The following ACO1 variants were observed in gnomAD, a reference collection of about 807,000 sequenced individuals.
The protein encoded by ACO1 is cytoplasmic aconitate hydratase.
A neutral mutation model predicts 105.1 loss-of-function variants in ACO1; 78 were observed. The ratio of observed to expected loss-of-function variants is 0.74; its 90% CI spans 0.62 to 0.90. The LOEUF (loss-of-function observed/expected upper bound fraction) is 0.90, where lower values mean the gene tolerates loss of function less well. Among genes scored for constraint, ACO1 ranks in the 40% least tolerant of loss-of-function variants. The pLI, the probability that ACO1 is intolerant of heterozygous loss-of-function variation, is 0.00. For missense variants in ACO1, 965 were observed against 1,111.1 expected, an observed-to-expected ratio of 0.87 and a Z score of 1.87; for synonymous variants, 364 against 397.4, an observed-to-expected ratio of 0.92 and a Z score of 1.00.
In ACO1 at chr9:32,453,180, C is replaced by G. The variant is rs963039106; in HGVS notation, c.*3069C>G. The G allele has an allele frequency of 6.6e-6, 1 of 152,034 alleles. No homozygotes were observed. Among genetic ancestry groups the G allele is most frequent in the African/African-American group, 2.4e-5 (1 of 41,362 alleles). 9.4% of individuals were successfully genotyped at this position (152,034 alleles called of 1,614,324 possible). ...TCCAAATTCATTACTGCATTCCTGG[C>G]ATCCGCAGCAAGCTAAGAGTTAGTT... On this transcript the variant is annotated 3_prime_UTR_variant, in exon 21 of 21. Coordinates refer to ENST00000309951, the MANE Select transcript of ACO1 (RefSeq NM_002197.3).
At chr9:32,444,158 T>G (rs1822546632) in intron 19 of ACO1, among the ~76,000 whole-genome samples, 1 of 152,214 alleles carries the variant, frequency 6.6e-6, no homozygotes, top group South Asian at 2.1e-4. Context: ...ACTCATCCTT[T>G]TTTATGGCTG....
In ACO1 at chr9:32,446,299, G is replaced by C. The variant is rs561018216; in HGVS notation, c.2371-2597G>C. Among the ~76,000 whole-genome samples, 3 of 152,294 alleles carry C rather than the reference G, an allele frequency of 2.0e-5. No homozygotes were observed. The South Asian group carries it at 6.2e-4, about 32-fold the overall frequency. On this transcript the variant is annotated intron_variant, in intron 19 of 20. Transcript: ENST00000309951. ...ATGTATTGGGTGCATATATATTTAGGATAGTTAGCTCTTCTTGTTGCATTG... is the reference window on the plus strand; with the variant it reads ...ATGTATTGGGTGCATATATATTTAGCATAGTTAGCTCTTCTTGTTGCATTG...
chr9:32,418,759 G>A (rs181041639), intron 6 of ACO1, among the ~76,000 whole-genome samples: 4 of 152,188 alleles, frequency 2.6e-5, no homozygotes, highest in African/African-American at 9.6e-5. Flanking sequence ...AATCACCTGG[G>A]GTGTTAAAAA....
intron 1 of ACO1, among the ~76,000 whole-genome samples, chr9:32,389,461 T>G (rs1031616924): frequency 1.3e-5 from 2 of 152,166 alleles, no homozygotes; most frequent in Non-Finnish European, 2.9e-5. Flanking sequence ...CCAGCTTACC[T>G]GGTGGCAGAC....
intron 15 of ACO1, among the ~76,000 whole-genome samples, chr9:32,433,344 C>A (rs1822281960): frequency 6.6e-6 from 1 of 152,172 alleles, no homozygotes; most frequent in African/African-American, 2.4e-5. Context: ...AGCAATCCTC[C>A]CATCTCAGCC....
At chr9:32,423,102 A>G (rs1445099755) in intron 8 of ACO1, among the ~76,000 whole-genome samples, 1 of 152,190 alleles carries the variant, frequency 6.6e-6, no homozygotes, top group East Asian at 1.9e-4. Flanking sequence ...CTTTGATAGG[A>G]ACAGCACATT....
chr9:32,407,387 A>G lies in ACO1; in HGVS notation c.224A>G (p.Glu75Gly). 6.2e-7 allele frequency: 1 copy of G among 1,614,154 alleles called. No individual in the cohort carries two copies. Among genetic ancestry groups the G allele is most frequent in the South Asian group, 1.1e-5 (1 of 91,076 alleles). Residue 75 changes from glutamate (E) to glycine (G), a missense_variant, in exon 3 of 21, where the codon GAA becomes GGA. Glu to Gly is a moderately conservative substitution (Grantham distance 98, BLOSUM62 -2). Coordinates refer to ENST00000309951, the MANE Select transcript of ACO1 (RefSeq NM_002197.3). ...AATGTCACGCAGCACAAGAACATAGAAGTGCCATTTAAGCCTGCTCGTGTC... is the reference window on the plus strand; with the variant it reads ...AATGTCACGCAGCACAAGAACATAGGAGTGCCATTTAAGCCTGCTCGTGTC... ...HWNVTQHKNIEVPFKPARVIL... is the reference protein window; with the variant it reads ...HWNVTQHKNIGVPFKPARVIL...
Position 32,405,594 on chromosome 9 carries a change from T to G in ACO1, c.88T>G (p.Ser30Ala), listed in dbSNP as rs755480336. The G allele has an allele frequency of 1.9e-6, 3 of 1,608,766 alleles. No homozygotes were observed. In the South Asian group the frequency reaches 3.3e-5, roughly 18 times the overall value. ...CTTCAATTTGAATAAATTGGAGGAT[T>G]CAAGATATGGTAGGTACATGGCTGT... Reference protein sequence around the residue: ...KFFNLNKLEDSRYGRLPFSIR... With the variant: ...KFFNLNKLEDARYGRLPFSIR... Residue 30 changes from serine to alanine, a missense_variant, in exon 2 of 21, where the codon TCA (serine) becomes GCA (alanine). Physicochemically the swap from Ser to Ala is moderately conservative, Grantham distance 99. Transcript: ENST00000309951.
At chr9:32,427,504 C>T in intron 12 of ACO1, 68 bp downstream of exon 12, 1 of 1,582,096 alleles carries the variant, frequency 6.3e-7, no homozygotes, top group South Asian at 1.1e-5. Flanking sequence ...CTTGCTGTGT[C>T]ACCTTGTAAC....
At chr9:32,448,277 C>A (rs1286071961) in intron 19 of ACO1, among the ~76,000 whole-genome samples, 1 of 152,194 alleles carries the variant, frequency 6.6e-6, no homozygotes, top group Non-Finnish European at 1.5e-5. Flanking sequence ...GTAGGCCTTG[C>A]TGAGCTGCGG....
In ACO1 at chr9:32,427,823, A is replaced by G. The variant is rs533691879; in HGVS notation, c.1484+387A>G. ...AACCGTAGCTTACTTTTATTTTACA[A>G]ACTTTTAAGTTTATTGAAACTCTTG... On this transcript the variant is annotated intron_variant, in intron 12 of 20. Transcript: ENST00000309951. 3.9e-5 allele frequency among the ~76,000 whole-genome samples: 6 copies of G among 152,352 alleles called. No homozygotes were observed. In the East Asian group the frequency reaches 1.2e-3, roughly 29 times the overall value.
rs1239729394 is a variant in ACO1 at position 32,429,601 on chromosome 9, G to C, written c.1569+98G>C. ...TTTTCAAGAAGGTCCATGGAAGCAG[G>C]GGATGTGGTTTAGAGTATGATCTTT... is the stretch of plus-strand genomic sequence containing the variant. On this transcript the variant is annotated intron_variant, in intron 13 of 20. Transcript: ENST00000309951. 8.4e-6 allele frequency: 9 copies of C among 1,065,882 alleles called. No individual in the cohort carries two copies. In the African/African-American group the frequency reaches 1.3e-4, roughly 15 times the overall value. The allele number at this position is 1,065,882 out of a possible 1,614,324, so 66.0% of individuals were successfully genotyped here.
chr9:32,418,087 T>G (rs1028885005), intron 4 of ACO1, 41 bp from the exon 5 acceptor site: 2 of 1,585,272 alleles, frequency 1.3e-6, no homozygotes, highest in Non-Finnish European at 1.7e-6. Flanking sequence ...ACTAATATGT[T>G]AAGTCTCAAA....
Position 32,449,092 on chromosome 9 carries a change from G to C in ACO1, c.2556+11G>C, listed in dbSNP as rs1222151945. ...AAAGTCCAGGTCAAGGTAAGCTGGA[G>C]CCTCTCTATGCCAGGCCCTGTCGAA... On this transcript the variant is annotated intron_variant, in intron 20 of 20. Coordinates refer to ENST00000309951, the MANE Select transcript of ACO1 (RefSeq NM_002197.3). 2 of 1,585,122 alleles carry C rather than the reference G, an allele frequency of 1.3e-6. No individual in the cohort carries two copies. The highest frequency in any genetic ancestry group is 1.7e-6 in the Non-Finnish European group (2 of 1,164,998).
At chr9:32,415,956 G>GGCCCATGGGCTGGGTTGTAGACCCCA (rs1821838056) in intron 4 of ACO1, among the ~76,000 whole-genome samples, 2 of 152,054 alleles carry the variant, frequency 1.3e-5, no homozygotes, top group Non-Finnish European at 2.9e-5. Flanking sequence ...GGTCACATTT[G>GGCCCATGGGCTGGGTTGTAGACCCCA]GCCCATGGGC....
chr9:32,417,031 A>G lies in ACO1; in HGVS notation c.405-1097A>G, dbSNP rs72561734. ...ACTGCCACAGTCGCTGTTAACTATG[A>G]CGGGAAGTCCATGTGGTATAGGGAT... On this transcript the variant is annotated intron_variant, in intron 4 of 20. Transcript: ENST00000309951. Among the ~76,000 whole-genome samples, 5 of 152,304 alleles carry G rather than the reference A, an allele frequency of 3.3e-5. No individual in the cohort carries two copies. The East Asian group carries it at 9.6e-4, about 29-fold the overall frequency.
Position 32,449,087 on chromosome 9 carries a change from C to A in ACO1, c.2556+6C>A. ...AAATGAAAGTCCAGGTCAAGGTAAG[C>A]TGGAGCCTCTCTATGCCAGGCCCTG... is the stretch of plus-strand genomic sequence containing the variant. On this transcript the variant is annotated splice_donor_region_variant and intron_variant, in intron 20 of 20. Transcript: ENST00000309951. The A allele has an allele frequency of 6.3e-7, 1 of 1,595,590 alleles. No homozygotes were observed.
intron 4 of ACO1, among the ~76,000 whole-genome samples, chr9:32,409,869 G>C (rs1358754628): frequency 6.6e-6 from 1 of 152,054 alleles, no homozygotes; most frequent in African/African-American, 2.4e-5. Context: ...TTACAAAGAA[G>C]AGAACTGAAC....
chr9:32,426,052 C>T lies in ACO1; in HGVS notation c.1348+55C>T, dbSNP rs376056668. ...CATACATGTGTGTAGGTGGAAATAG[C>T]CCGAGACAGGGCCCAGGGCCTTGGC... On this transcript the variant is annotated intron_variant, in intron 11 of 20. Coordinates refer to ENST00000309951, the MANE Select transcript of ACO1 (RefSeq NM_002197.3). 29 of 1,572,758 alleles carry T rather than the reference C, an allele frequency of 1.8e-5. No homozygotes were observed. The African/African-American group carries it at 3.5e-4, about 19-fold the overall frequency.
Sources: gnomAD v4.1 joint callset for allele counts (sites outside exome capture counted in the v4.1 genomes callset) on GRCh38, gnomAD v4.1.1 for gene constraint, MANE v1.5 for transcripts, NCBI Gene and HGNC (gene_info 2026-07-23, HGNC 2026-07-21) for gene names.